The following PDSS2 variants were observed in gnomAD, a reference collection of about 807,000 sequenced individuals.
The protein encoded by PDSS2 is all trans-polyprenyl-diphosphate synthase PDSS2.
In PDSS2, 31 loss-of-function variants were observed where a neutral mutation model predicts 44.5. The observed-to-expected ratio is 0.70, with a 90% confidence interval of 0.52 to 0.94. The LOEUF (loss-of-function observed/expected upper bound fraction) is 0.94, where lower values mean the gene tolerates loss of function less well. Ranked by LOEUF, PDSS2 falls within the 40% of genes least tolerant of loss-of-function variation. The pLI is 0.00. For missense variants in PDSS2, 452 were observed against 482.2 expected, an observed-to-expected ratio of 0.94 and a Z score of 0.59; for synonymous variants, 157 against 180.3, an observed-to-expected ratio of 0.87 and a Z score of 1.03.
chr6:107,334,077 CTTATATT>C, intron 2 of PDSS2, 114 bp downstream of exon 2: 1 of 934,326 alleles, frequency 1.1e-6, no homozygotes, highest in East Asian at 2.5e-5. Flanking sequence ...CATTTTTAAC[CTTATATT>C]TTAATCTATC....
At chr6:107,408,821 A>G (rs1780402621) in intron 1 of PDSS2, among the ~76,000 whole-genome samples, 1 of 152,170 alleles carries the variant, frequency 6.6e-6, no homozygotes, top group African/African-American at 2.4e-5. Context: ...AGAACCCTAA[A>G]TACTTTACAA....
chr6:107,448,936 A>G (rs1461000573), intron 1 of PDSS2, among the ~76,000 whole-genome samples: 1 of 152,234 alleles, frequency 6.6e-6, no homozygotes, highest in Non-Finnish European at 1.5e-5. Context: ...CACTATCATG[A>G]AAACAGCCTG....
At chr6:107,233,777 C>T (rs1190743277) in intron 4 of PDSS2, among the ~76,000 whole-genome samples, 1 of 152,084 alleles carries the variant, frequency 6.6e-6, no homozygotes, top group Non-Finnish European at 1.5e-5. Flanking sequence ...TGCATCACTG[C>T]ACTCTAGCCT....
intron 3 of PDSS2, among the ~76,000 whole-genome samples, chr6:107,268,505 TAACA>T (rs1562421593): frequency 6.6e-6 from 1 of 152,124 alleles, no homozygotes; most frequent in Non-Finnish European, 1.5e-5. Flanking sequence ...GAAATAAAAA[TAACA>T]TACATGTACA....
intron 4 of PDSS2, among the ~76,000 whole-genome samples, chr6:107,239,249 C>A (rs1774333882): frequency 6.6e-6 from 1 of 152,086 alleles, no homozygotes; most frequent in Admixed American, 6.6e-5. Context: ...TGCACTCCAG[C>A]CTGGATGACA....
In PDSS2 at chr6:107,154,476, G is replaced by T. The variant is rs1168945520; in HGVS notation, c.*143C>A. 2 of 776,094 alleles carry T rather than the reference G, an allele frequency of 2.6e-6. No homozygotes were observed. Among genetic ancestry groups the T allele is most frequent in the Non-Finnish European group, 4.3e-6 (2 of 466,284 alleles). 48.1% of individuals were successfully genotyped at this position (776,094 alleles called of 1,614,324 possible). On this transcript the variant is annotated 3_prime_UTR_variant, in exon 8 of 8. Transcript: ENST00000369037. ...TGTTTGTAGCAGTTCCAAAAAGAAA[G>T]CAGAACTCATTTAGCAATGTGATAA...
At chr6:107,331,035 C>G (rs1296315636) in intron 2 of PDSS2, among the ~76,000 whole-genome samples, 3 of 152,100 alleles carry the variant, frequency 2.0e-5, no homozygotes, top group African/African-American at 7.2e-5. Flanking sequence ...ATATCAAAGT[C>G]AAGTTTTATG....
At position 107,402,797 on chromosome 6, in the gene PDSS2, C is replaced by T. The variant is rs539712527; in HGVS notation, c.296+56193G>A. On this transcript the variant is annotated intron_variant, in intron 1 of 7. Coordinates refer to ENST00000369037, the MANE Select transcript of PDSS2 (RefSeq NM_020381.4). Reference sequence around the variant, plus strand: ...TAGAACTAGAACTCACTCACTATCACGAGAATAGCATGAAGGTAACTGTCC... The same window carrying T: ...TAGAACTAGAACTCACTCACTATCATGAGAATAGCATGAAGGTAACTGTCC... Among the ~76,000 whole-genome samples the T allele has an allele frequency of 3.4e-3, 516 of 151,952 alleles. 1 individual carries two copies. The highest frequency in any genetic ancestry group is 5.9e-3 in the Non-Finnish European group (404 of 67,954).
chr6:107,454,682 G>T, intron 1 of PDSS2, among the ~76,000 whole-genome samples: 1 of 149,150 alleles, frequency 6.7e-6, no homozygotes. Flanking sequence ...CACCATTCAC[G>T]TAAACTTTAG....
chr6:107,212,251 G>A lies in PDSS2; in HGVS notation c.734C>T (p.Ser245Leu), dbSNP rs371061123. 7.4e-6 allele frequency: 12 copies of A among 1,613,422 alleles called. No homozygotes were observed. Among genetic ancestry groups the A allele is most frequent in the East Asian group, 6.7e-5 (3 of 44,876 alleles). The stretch of plus-strand genomic sequence containing the variant: ...GAGAAAAGTCTGCTCCTTCCAAGTC[G>A]ATATTCCAATATCATCTGTGATATA... ...ESYITDDIGI[S>L]TWKEQTFLSH... The change falls in exon 5 of 8, where the codon TCG becomes TTG. Residue 245 changes from serine (S) to leucine (L), a missense_variant. Physicochemically the swap from Ser to Leu is moderately radical, Grantham distance 145 (BLOSUM62 -2). Coordinates refer to ENST00000369037, the MANE Select transcript of PDSS2 (RefSeq NM_020381.4).
intron 1 of PDSS2, among the ~76,000 whole-genome samples, chr6:107,414,865 A>T (rs1780610572): frequency 6.6e-6 from 1 of 152,222 alleles, no homozygotes; most frequent in African/African-American, 2.4e-5. Flanking sequence ...TCTGAGCCAA[A>T]CTGGGGCTGA....
intron 7 of PDSS2, among the ~76,000 whole-genome samples, chr6:107,166,830 C>T (rs190148067): frequency 1.3e-5 from 2 of 152,300 alleles, no homozygotes; most frequent in African/African-American, 4.8e-5. Context: ...AAGAAGCCCA[C>T]TTGATCATGG....
chr6:107,429,511 A>G (rs774137108), intron 1 of PDSS2, among the ~76,000 whole-genome samples: 3 of 152,256 alleles, frequency 2.0e-5, no homozygotes, highest in Non-Finnish European at 4.4e-5. Context: ...TTGGCCTCGA[A>G]CTATTGAGAC....
At chr6:107,322,742 G>A (rs1433034629) in intron 2 of PDSS2, among the ~76,000 whole-genome samples, 1 of 152,106 alleles carries the variant, frequency 6.6e-6, no homozygotes, top group Non-Finnish European at 1.5e-5. Context: ...CTACTCATTT[G>A]AGCCCGGGAC....
At chr6:107,179,360 T>C (rs1771895911) in intron 7 of PDSS2, among the ~76,000 whole-genome samples, 1 of 151,984 alleles carries the variant, frequency 6.6e-6, no homozygotes, top group South Asian at 2.1e-4. Flanking sequence ...AGCTCACTGC[T>C]GCCTCTGCCT....
intron 7 of PDSS2, among the ~76,000 whole-genome samples, chr6:107,172,651 T>C (rs1250729018): frequency 1.3e-5 from 2 of 152,020 alleles, no homozygotes; most frequent in Non-Finnish European, 2.9e-5. Flanking sequence ...TGGCAAAACT[T>C]CAAAAAGGGT....
intron 2 of PDSS2, among the ~76,000 whole-genome samples, chr6:107,285,997 G>C (rs1299728827): frequency 1.3e-5 from 2 of 152,030 alleles, no homozygotes; most frequent in Non-Finnish European, 2.9e-5. Context: ...AAAATTAGCT[G>C]GGCTTGGTGG....
chr6:107,325,436 C>A (rs558334494), intron 2 of PDSS2, among the ~76,000 whole-genome samples: 4 of 151,992 alleles, frequency 2.6e-5, no homozygotes, highest in Non-Finnish European at 4.4e-5. Context: ...TTGAATACAC[C>A]GAGTAGAGTG....
chr6:107,171,261 G>C (rs1771565084), intron 7 of PDSS2, among the ~76,000 whole-genome samples: 2 of 151,946 alleles, frequency 1.3e-5, no homozygotes, highest in African/African-American at 4.8e-5. Context: ...TCTTGGGCTT[G>C]AGCCATCCTC....
Sources: gnomAD v4.1 joint callset for allele counts (sites outside exome capture counted in the v4.1 genomes callset) on GRCh38, gnomAD v4.1.1 for gene constraint, MANE v1.5 for transcripts, NCBI Gene and HGNC (gene_info 2026-07-23, HGNC 2026-07-21) for gene names.